Variants in ECI2 observed in about 807,000 individuals in gnomAD.
ECI2 encodes the protein D3,D2-enoyl-CoA isomerase.
A neutral mutation model predicts 38.4 loss-of-function variants in ECI2; 27 were observed. The observed-to-expected ratio is 0.70, with a 90% CI of 0.52 to 0.97. The LOEUF (loss-of-function observed/expected upper bound fraction) is 0.97, where lower values mean the gene tolerates loss of function less well. ECI2 is among the 50% of genes least tolerant of loss of function. The pLI, the probability that ECI2 is intolerant of heterozygous loss-of-function variation, is 0.00. For synonymous variants in ECI2, 168 were observed against 172.0 expected (o/e 0.98, Z 0.18); for missense variants, 470 against 474.4 (o/e 0.99, Z 0.09).
chr6:4,126,115 C>G lies in ECI2; in HGVS notation c.674+20G>C. 1 of 1,602,674 alleles carries G rather than the reference C, an allele frequency of 6.2e-7. No individual in the cohort carries two copies. Among genetic ancestry groups the G allele is most frequent in the Non-Finnish European group, 8.5e-7 (1 of 1,171,456 alleles). ...TAAGAACGGGCCCTCTGGGATCAGA[C>G]AAAGGTCAGTAACTCTTACCTCAGT... On this transcript the variant is annotated intron_variant, in intron 6 of 9. Transcript: ENST00000380118.
At chr6:4,125,681 G>A (rs573701725) in intron 6 of ECI2, 34 of 443,438 alleles carry the variant, frequency 7.7e-5, no homozygotes, top group Non-Finnish European at 8.7e-5. Flanking sequence ...TAGGTTGGGT[G>A]ACTGAGCACA....
chr6:4,130,057 A>G (rs893659741), intron 4 of ECI2: 2 of 1,548,302 alleles, frequency 1.3e-6, no homozygotes, highest in Non-Finnish European at 1.8e-6. Flanking sequence ...GGAGCAGTCT[A>G]CACCAACCTT....
chr6:4,120,023 AT>A (rs754647064), intron 7 of ECI2, among the ~76,000 whole-genome samples: 16 of 152,334 alleles, frequency 1.1e-4, no homozygotes, highest in Non-Finnish European at 1.8e-4. Context: ...TCTGAGTAGT[AT>A]TCCTTTGTAT....
chr6:4,122,793 G>A (rs758945821), intron 7 of ECI2, among the ~76,000 whole-genome samples: 10 of 152,332 alleles, frequency 6.6e-5, no homozygotes, highest in Admixed American at 5.9e-4. Flanking sequence ...ACTGTGCCTG[G>A]CCAAGTCCTT....
intron 4 of ECI2, 37 bp from the exon 5 acceptor site, chr6:4,127,868 T>C (rs757320090): frequency 6.3e-7 from 1 of 1,583,104 alleles, no homozygotes; most frequent in East Asian, 2.3e-5. Context: ...AAAAGAACTC[T>C]GAACACAGGA....
rs776589979 is a variant in ECI2 at position 4,115,947 on chromosome 6, A to G, written c.1112T>C (p.Leu371Pro). Residue 371 changes from leucine (L) to proline (P), a missense_variant, in exon 10 of 10, where the codon CTT (leucine) becomes CCT (proline). Transcript: ENST00000380118. ...HAVNAEECNVLQGRWLSDECT... is the reference protein window; with the variant it reads ...HAVNAEECNVPQGRWLSDECT... ...TTCATCTGATAGCCATCTTCCCTGA[A>G]GGACATTGCATTCTTCAGCATTAAC... is the stretch of plus-strand genomic sequence containing the variant. The G allele has an allele frequency of 2.5e-6, 4 of 1,614,114 alleles. No individual in the cohort carries two copies. Among genetic ancestry groups the G allele is most frequent in the African/African-American group, 2.7e-5 (2 of 74,942 alleles).
At chr6:4,117,865 G>C in intron 8 of ECI2, 1 of 155,296 alleles carries the variant, frequency 6.4e-6, no homozygotes, top group Non-Finnish European at 1.4e-5. Flanking sequence ...CCATTCTCTG[G>C]AAACTACCCA....
At chr6:4,126,384 C>T (rs867690788) in intron 5 of ECI2, 147 bp from the exon 6 acceptor site, 14 of 634,106 alleles carry the variant, frequency 2.2e-5, no homozygotes, top group African/African-American at 9.2e-5. Context: ...CTAGTGAGTA[C>T]GCTGGACACT....
chr6:4,125,479 C>A, intron 6 of ECI2, 109 bp from the exon 7 acceptor site: 1 of 1,465,424 alleles, frequency 6.8e-7, no homozygotes. Context: ...CTGGGTGTTT[C>A]CACAGCCACC....
intron 7 of ECI2, among the ~76,000 whole-genome samples, chr6:4,121,367 G>A (rs916024051): frequency 5.3e-5 from 8 of 151,868 alleles, no homozygotes; most frequent in African/African-American, 1.5e-4. Flanking sequence ...TTATTAGAGC[G>A]TCAGGCAAAT....
At chr6:4,120,714 GAA>G (rs759717859) in intron 7 of ECI2, among the ~76,000 whole-genome samples, 1 of 138,388 alleles carries the variant, frequency 7.2e-6, no homozygotes, top group Non-Finnish European at 1.6e-5. Flanking sequence ...ATGACAGAGT[GAA>G]AAAAAAAAAA....
Position 4,125,366 on chromosome 6 carries a change from A to C in ECI2, c.679T>G (p.Phe227Val), listed in dbSNP as rs764921233. The C allele has an allele frequency of 2.5e-6, 4 of 1,614,090 alleles. No individual in the cohort carries two copies. Among genetic ancestry groups the C allele is most frequent in the Non-Finnish European group, 3.4e-6 (4 of 1,180,030 alleles). ...GGAAAATCTATAAAACAGCCCACAAATTCCCTACAGAAATGGAAACACAAA... is the reference window on the plus strand; with the variant it reads ...GGAAAATCTATAAAACAGCCCACAACTTCCCTACAGAAATGGAAACACAAA... ...AKNNAVLLREFVGCFIDFPKP... is the reference protein window; with the variant it reads ...AKNNAVLLREVVGCFIDFPKP... Residue 227 changes from phenylalanine (F) to valine (V), a missense_variant, in exon 7 of 10, where the codon TTT becomes GTT. Physicochemically the swap from Phe to Val is conservative, Grantham distance 50 (BLOSUM62 -1). Transcript: ENST00000380118.
chr6:4,135,157 G>A (rs753775565), intron 1 of ECI2: 4 of 567,178 alleles, frequency 7.1e-6, no homozygotes, highest in African/African-American at 3.7e-5. Context: ...GAAGCAGCCC[G>A]GCTGGGAAGT....
At chr6:4,130,351 T>C (rs1448615850) in intron 4 of ECI2, 21 bp downstream of exon 4, 1 of 1,614,120 alleles carries the variant, frequency 6.2e-7, no homozygotes, top group Non-Finnish European at 8.5e-7. Flanking sequence ...CAGGACAAAC[T>C]CCGTGGGCAG....
chr6:4,125,962 A>G, intron 6 of ECI2, 173 bp downstream of exon 6: 1 of 691,224 alleles, frequency 1.4e-6, no homozygotes, highest in South Asian at 1.5e-5. Context: ...GTCAAAGAGA[A>G]AGAATGAATG....
intron 7 of ECI2, among the ~76,000 whole-genome samples, chr6:4,120,872 T>G (rs761102618): frequency 5.3e-5 from 8 of 152,132 alleles, no homozygotes; most frequent in Admixed American, 4.6e-4. Context: ...GAAAAAAAAT[T>G]TAAAAATAAA....
intron 7 of ECI2, among the ~76,000 whole-genome samples, chr6:4,124,803 G>A (rs1773033415): frequency 6.6e-6 from 1 of 152,186 alleles, no homozygotes; most frequent in African/African-American, 2.4e-5. Context: ...CAGAGCTTCA[G>A]TTTTCTTATC....
chr6:4,134,649 T>C (rs935103825), intron 1 of ECI2, among the ~76,000 whole-genome samples: 2 of 152,196 alleles, frequency 1.3e-5, no homozygotes, highest in African/African-American at 4.8e-5. Context: ...GGTTCAAACT[T>C]TGGACTATTA....
At chr6:4,132,524 A>G (rs563665019) in intron 2 of ECI2, among the ~76,000 whole-genome samples, 94 of 152,142 alleles carry the variant, frequency 6.2e-4, no homozygotes, top group Middle Eastern at 3.2e-3. Flanking sequence ...TTTACTATAC[A>G]CACCCATATG....
Sources: allele counts gnomAD v4.1 joint callset (sites outside exome capture counted in the v4.1 genomes callset), GRCh38; gene constraint gnomAD v4.1.1; transcripts MANE v1.5; gene names NCBI Gene and HGNC (gene_info 2026-07-23, HGNC 2026-07-21).